The following STK3 variants were observed in gnomAD, a reference collection of about 807,000 sequenced individuals.
The protein encoded by STK3 is serine/threonine-protein kinase 3.
Under a neutral mutation model 58.0 loss-of-function variants are expected in STK3, and 41 were observed. The ratio of observed to expected loss-of-function variants is 0.71; its 90% confidence interval spans 0.55 to 0.92. The LOEUF (loss-of-function observed/expected upper bound fraction) is 0.92, where lower values mean the gene tolerates loss of function less well. STK3 is among the 40% of genes least tolerant of loss of function. The pLI, the probability that STK3 is intolerant of heterozygous loss-of-function variation, is 0.00. For missense variants in STK3, 479 were observed against 602.7 expected, an observed-to-expected ratio of 0.79 and a Z score of 2.15; for synonymous variants, 170 against 191.0, an observed-to-expected ratio of 0.89 and a Z score of 0.91.
At chr8:98,577,997 G>A (rs1216021415) in intron 8 of STK3, among the ~76,000 whole-genome samples, 4 of 152,022 alleles carry the variant, frequency 2.6e-5, no homozygotes, top group East Asian at 1.9e-4. Context: ...TAAGCTCAGC[G>A]AAGGAAAGAA....
intron 2 of STK3, among the ~76,000 whole-genome samples, chr8:98,373,325 C>T (rs1232089340): frequency 5.3e-5 from 8 of 152,192 alleles, no homozygotes; most frequent in Non-Finnish European, 1.0e-4. Flanking sequence ...ACATTCTTTT[C>T]CATGTAAAGT....
chr8:98,672,664 T>G (rs1822917043), intron 6 of STK3, among the ~76,000 whole-genome samples: 1 of 152,210 alleles, frequency 6.6e-6, no homozygotes, highest in Non-Finnish European at 1.5e-5. Flanking sequence ...TCAAAGCAAT[T>G]GCCTCAGTAA....
chr8:98,592,718 C>T (rs928751371), intron 7 of STK3, among the ~76,000 whole-genome samples: 6 of 150,830 alleles, frequency 4.0e-5, no homozygotes, highest in African/African-American at 7.3e-5. Context: ...TCATGGAAGA[C>T]TGCTCACTGA....
intron 3 of STK3, chr8:98,431,270 G>A (rs900166940): frequency 4.2e-5 from 7 of 167,100 alleles, no homozygotes; most frequent in African/African-American, 1.7e-4. Context: ...TTGTGTCCTG[G>A]AGCCCCCAGT....
intron 3 of STK3, among the ~76,000 whole-genome samples, chr8:98,831,363 C>T (rs1412708553): frequency 6.6e-6 from 1 of 152,194 alleles, no homozygotes; most frequent in Non-Finnish European, 1.5e-5. Context: ...AGGAATCCTC[C>T]TGCCTCAGCC....
At chr8:98,458,120 C>T (rs967635121) in intron 10 of STK3, among the ~76,000 whole-genome samples, 5 of 152,046 alleles carry the variant, frequency 3.3e-5, no homozygotes, top group Non-Finnish European at 5.9e-5. Flanking sequence ...CATATACACA[C>T]ACACACACAC....
intron 7 of STK3, among the ~76,000 whole-genome samples, chr8:98,591,688 T>C (rs1360779091): frequency 1.3e-5 from 2 of 152,076 alleles, no homozygotes; most frequent in Non-Finnish European, 2.9e-5. Flanking sequence ...AGATTAAGAA[T>C]GTTAAGCTCT....
At chr8:98,486,781 A>G (rs971668019) in intron 10 of STK3, among the ~76,000 whole-genome samples, 1 of 152,230 alleles carries the variant, frequency 6.6e-6, no homozygotes, top group Admixed American at 6.5e-5. Flanking sequence ...ATATTAAGGC[A>G]GCAAAACTCA....
chr8:98,756,143 A>G (rs980826539), intron 3 of STK3, among the ~76,000 whole-genome samples: 1 of 151,056 alleles, frequency 6.6e-6, no homozygotes, highest in South Asian at 2.1e-4. Context: ...CTCCGCCTCA[A>G]AAAAAAAAAG....
Position 98,632,389 on chromosome 8 carries a change from A to T in STK3, c.685-36220T>A, listed in dbSNP as rs138467504. 6.3e-3 allele frequency among the ~76,000 whole-genome samples: 964 copies of T among 152,338 alleles called. 3 individuals are homozygous for T. Among genetic ancestry groups the T allele is most frequent in the Non-Finnish European group, 9.6e-3 (653 of 68,026 alleles). On this transcript the variant is annotated intron_variant, in intron 6 of 10. Transcript: ENST00000419617. ...ACTATATAATTAAGCACAGAGAATA[A>T]GACTATCTTGCCAAGATTTGCTAAC... is the stretch of plus-strand genomic sequence containing the variant.
At chr8:98,371,045 GT>G (rs1817604917), downstream of STK3, among the ~76,000 whole-genome samples, 1 of 152,150 alleles carries the variant, frequency 6.6e-6, no homozygotes, top group Non-Finnish European at 1.5e-5. Flanking sequence ...GACCCAAAAT[GT>G]TCCTAGGATG....
chr8:98,897,893 A>G (rs947617728), intron 1 of STK3, among the ~76,000 whole-genome samples: 19 of 152,220 alleles, frequency 1.2e-4, no homozygotes, highest in African/African-American at 4.1e-4. Context: ...TCACCACACC[A>G]TATCAAAACA....
At chr8:98,700,112 T>C (rs1825421783) in intron 6 of STK3, among the ~76,000 whole-genome samples, 1 of 152,196 alleles carries the variant, frequency 6.6e-6, no homozygotes, top group South Asian at 2.1e-4. Context: ...TGCAGTTTGA[T>C]CTCAGACTGC....
intron 10 of STK3, among the ~76,000 whole-genome samples, chr8:98,503,878 G>A (rs1234417126): frequency 6.6e-6 from 1 of 152,220 alleles, no homozygotes; most frequent in Admixed American, 6.5e-5. Flanking sequence ...TGTATATTCT[G>A]TTGATTTGGG....
intron 6 of STK3, among the ~76,000 whole-genome samples, chr8:98,618,500 A>G (rs1478378035): frequency 1.3e-5 from 2 of 151,612 alleles, no homozygotes; most frequent in Admixed American, 6.6e-5. Flanking sequence ...AGGGTATTCA[A>G]TTAGGAAAAG....
intron 4 of STK3, among the ~76,000 whole-genome samples, chr8:98,709,758 C>T (rs1826250255): frequency 6.6e-6 from 1 of 152,088 alleles, no homozygotes; most frequent in African/African-American, 2.4e-5. Flanking sequence ...ATAAAACACA[C>T]AACTAATATG....
chr8:98,425,514 T>G (rs1818222330), intron 3 of STK3, among the ~76,000 whole-genome samples: 1 of 152,098 alleles, frequency 6.6e-6, no homozygotes, highest in Non-Finnish European at 1.5e-5. Flanking sequence ...TACCCTACTA[T>G]CCCTCTCCCA....
At chr8:98,719,140 G>A (rs1827228695) in intron 4 of STK3, among the ~76,000 whole-genome samples, 1 of 152,124 alleles carries the variant, frequency 6.6e-6, no homozygotes, top group Non-Finnish European at 1.5e-5. Context: ...CACCATAATG[G>A]ACCACTACAG....
chr8:98,712,495 TA>T (rs1826563832), intron 4 of STK3, among the ~76,000 whole-genome samples: 2 of 150,956 alleles, frequency 1.3e-5, no homozygotes, highest in South Asian at 4.2e-4. Context: ...TAGTCTCTGA[TA>T]AAACAGACGT....
Sources: gnomAD v4.1 joint callset for allele counts (sites outside exome capture counted in the v4.1 genomes callset) on GRCh38, gnomAD v4.1.1 for gene constraint, MANE v1.5 for transcripts, NCBI Gene and HGNC (gene_info 2026-07-23, HGNC 2026-07-21) for gene names.